CNOT10: variants seen among roughly 807,000 people sequenced by gnomAD.
CNOT10 encodes CCR4-NOT transcription complex, subunit 10.
CNOT10 carries 30 observed loss-of-function variants against 94.6 expected under a neutral mutation model. That is an observed-to-expected ratio of 0.32 (90% CI 0.24 to 0.43). The LOEUF (loss-of-function observed/expected upper bound fraction) is 0.43, where lower values mean the gene tolerates loss of function less well. CNOT10 is among the 20% of genes least tolerant of loss of function. The pLI, the probability that CNOT10 is intolerant of heterozygous loss-of-function variation, is 1.00. For synonymous variants in CNOT10, 289 were observed against 301.6 expected (o/e 0.96, Z 0.43); for missense variants, 759 against 877.2 (o/e 0.87, Z 1.70).
chr3:32,692,950 TAGG>T (rs1452960890), intron 1 of CNOT10, among the ~76,000 whole-genome samples: 1 of 151,956 alleles, frequency 6.6e-6, no homozygotes, highest in Non-Finnish European at 1.5e-5. Flanking sequence ...GAGGCTGAGG[TAGG>T]AGGTCACTGG....
At position 32,687,457 on chromosome 3, in the gene CNOT10, T is replaced by TTTTTTTTTTG. The variant is rs1696668093; in HGVS notation, c.22+1984_22+1985insGTTTTTTTTT. Among the ~76,000 whole-genome samples the TTTTTTTTTTG allele has an allele frequency of 3.9e-5, 4 of 103,106 alleles. 1 individual carries two copies. Among genetic ancestry groups the TTTTTTTTTTG allele is most frequent in the African/African-American group, 1.3e-4 (4 of 29,710 alleles). The allele number at this position is 103,106 out of a possible 152,430, so 67.6% of individuals were successfully genotyped here. On this transcript the variant is annotated intron_variant, in intron 1 of 18. Coordinates refer to ENST00000328834, the MANE Select transcript of CNOT10 (RefSeq NM_015442.3). ...CCTCACGGTTTTTTTTTTTTGTTTT[T>TTTTTTTTTTG]TTTTTTTTTTTTGAGACGGAGTCTC...
intron 13 of CNOT10, among the ~76,000 whole-genome samples, chr3:32,750,376 T>TCTCAGCTA (rs1051064383): frequency 6.6e-6 from 1 of 151,832 alleles, no homozygotes; most frequent in African/African-American, 2.4e-5. Flanking sequence ...GTGCCTATAG[T>TCTCAGCTA]CTCAGCTACT....
intron 18 of CNOT10, among the ~76,000 whole-genome samples, chr3:32,770,993 G>A (rs1363959217): frequency 6.6e-6 from 1 of 152,024 alleles, no homozygotes; most frequent in Non-Finnish European, 1.5e-5. Flanking sequence ...GATTATAGGC[G>A]TGAGCCAGAG....
At chr3:32,685,731 A>C (rs563336530) in intron 1 of CNOT10, among the ~76,000 whole-genome samples, 1 of 152,238 alleles carries the variant, frequency 6.6e-6, no homozygotes, top group African/African-American at 2.4e-5. Flanking sequence ...TCTTCAGAAT[A>C]ACTCCGGCCC....
chr3:32,720,480 C>T (rs1054306061), intron 8 of CNOT10, among the ~76,000 whole-genome samples: 3 of 151,806 alleles, frequency 2.0e-5, no homozygotes, highest in Admixed American at 6.6e-5. Flanking sequence ...CTTTCCTCCC[C>T]TCCCCCACCT....
chr3:32,694,138 ATTT>A (rs10709878), intron 1 of CNOT10, among the ~76,000 whole-genome samples: 1 of 148,408 alleles, frequency 6.7e-6, no homozygotes, highest in African/African-American at 2.5e-5. Flanking sequence ...CACTTGATAA[ATTT>A]TTTTTTTTTT....
At chr3:32,755,693 A>G (rs552731015) in intron 13 of CNOT10, among the ~76,000 whole-genome samples, 1 of 151,110 alleles carries the variant, frequency 6.6e-6, no homozygotes, top group East Asian at 1.9e-4. Flanking sequence ...TTTAATGCCT[A>G]GTCTTGCATA....
intron 1 of CNOT10, chr3:32,695,441 G>T: frequency 1.3e-6 from 1 of 781,010 alleles, no homozygotes; most frequent in East Asian, 3.0e-5. Context: ...TTCTTTTCTT[G>T]ATATATCAGT....
intron 13 of CNOT10, among the ~76,000 whole-genome samples, chr3:32,748,934 GTC>G (rs1424704264): frequency 2.6e-5 from 4 of 151,978 alleles, no homozygotes; most frequent in Non-Finnish European, 5.9e-5. Flanking sequence ...CAATTCTCCT[GTC>G]TCAGCCTCCC....
intron 3 of CNOT10, among the ~76,000 whole-genome samples, 177 bp from the exon 4 acceptor site, chr3:32,708,493 G>A (rs996224042): frequency 6.6e-6 from 1 of 152,176 alleles, no homozygotes; most frequent in South Asian, 2.1e-4. Context: ...TGGCACAGAA[G>A]AATGAAAATA....
chr3:32,695,598 A>G (rs755003866), intron 1 of CNOT10: 4 of 1,534,704 alleles, frequency 2.6e-6, no homozygotes, highest in Admixed American at 2.0e-5. Context: ...TGCTTAGTTC[A>G]AACCTAAAGG....
At chr3:32,755,097 T>C (rs1700164621) in intron 13 of CNOT10, among the ~76,000 whole-genome samples, 1 of 150,038 alleles carries the variant, frequency 6.7e-6, no homozygotes, top group Non-Finnish European at 1.5e-5. Flanking sequence ...AAATACAAAA[T>C]TAGGTGGGTG....
chr3:32,747,750 C>G (rs1441296917), intron 13 of CNOT10, among the ~76,000 whole-genome samples: 1 of 152,068 alleles, frequency 6.6e-6, no homozygotes, highest in Non-Finnish European at 1.5e-5. Context: ...GAGATGGAGA[C>G]CATCCTGGCC....
At chr3:32,735,436 G>A (rs905115673) in intron 12 of CNOT10, among the ~76,000 whole-genome samples, 1 of 152,120 alleles carries the variant, frequency 6.6e-6, no homozygotes, top group Non-Finnish European at 1.5e-5. Flanking sequence ...GGCCAGGTGT[G>A]GGGGCTCACG....
Position 32,734,965 on chromosome 3 carries a change from T to G in CNOT10, c.1503T>G (p.Ser501Arg). 6.2e-7 allele frequency: 1 copy of G among 1,613,120 alleles called. No individual in the cohort carries two copies. The highest frequency in any genetic ancestry group is 8.5e-7 in the Non-Finnish European group (1 of 1,179,314). ...LGGNTESSES[S>R]ETCSSKSHDG... ...GGAACACAGAGAGCAGCGAAAGCAG[T>G]GAAACTTGCAGGTATTCTAATCCTT... is the stretch of plus-strand genomic sequence containing the variant. Residue 501 changes from serine (S) to arginine (R), a missense_variant, in exon 12 of 19, where the codon AGT becomes AGG. By Grantham distance (110) the Ser-to-Arg change is moderately radical (BLOSUM62 -1). This residue lies in a region of CNOT10 where 682 missense variants were observed against 799.4 expected (regional missense o/e 0.85). Coordinates refer to ENST00000328834, the MANE Select transcript of CNOT10 (RefSeq NM_015442.3).
chr3:32,716,671 G>A (rs1698136783), intron 6 of CNOT10, among the ~76,000 whole-genome samples: 1 of 151,750 alleles, frequency 6.6e-6, no homozygotes, highest in African/African-American at 2.4e-5. Context: ...TTTTTGAGAC[G>A]GAGCCTCACT....
At chr3:32,732,447 G>A (rs1021592177) in intron 10 of CNOT10, among the ~76,000 whole-genome samples, 1 of 151,924 alleles carries the variant, frequency 6.6e-6, no homozygotes, top group Admixed American at 6.6e-5. Flanking sequence ...AGTCATGGTG[G>A]CACACACCTG....
intron 1 of CNOT10, among the ~76,000 whole-genome samples, chr3:32,700,569 A>G (rs143417886): frequency 1.1e-4 from 16 of 152,338 alleles, no homozygotes; most frequent in South Asian, 4.1e-4. Context: ...GTACATGCCA[A>G]TTGCTTCACA....
intron 3 of CNOT10, among the ~76,000 whole-genome samples, chr3:32,708,088 G>A (rs945027469): frequency 6.6e-6 from 1 of 151,852 alleles, no homozygotes; most frequent in African/African-American, 2.4e-5. Context: ...TAGTAGAGAC[G>A]GGGTTCACCA....
Sources: gnomAD v4.1 joint callset for allele counts (sites outside exome capture counted in the v4.1 genomes callset) on GRCh38, gnomAD v4.1.1 for gene constraint, gnomAD v4.1.1 regional missense constraint, MANE v1.5 for transcripts, NCBI Gene and HGNC (gene_info 2026-07-23, HGNC 2026-07-21) for gene names.